Variants in SHANK2 observed in about 807,000 individuals in gnomAD.
The protein encoded by SHANK2 is SH3 and multiple ankyrin repeat domains 2.
SHANK2 carries 43 observed loss-of-function variants against 133.7 expected under a neutral mutation model. The ratio of observed to expected loss-of-function variants is 0.32; its 90% CI spans 0.25 to 0.41. The LOEUF is 0.41. Ranked by LOEUF, SHANK2 falls within the 10% of genes least tolerant of loss-of-function variation. The pLI is 1.00. For synonymous variants in SHANK2, 1,017 were observed against 952.8 expected (o/e 1.07, Z -1.24); for missense variants, 1,994 against 2,235.8 (o/e 0.89, Z 2.18).
intron 8 of SHANK2, among the ~76,000 whole-genome samples, chr11:71,086,507 A>G (rs1191519486): frequency 2.9e-5 from 4 of 140,244 alleles, no homozygotes; most frequent in South Asian, 2.1e-4. Flanking sequence ...TACATAATTT[A>G]TTATATATAA....
chr11:71,184,255 C>T (rs1953626942), intron 2 of SHANK2, among the ~76,000 whole-genome samples: 1 of 152,124 alleles, frequency 6.6e-6, no homozygotes, highest in Non-Finnish European at 1.5e-5. Flanking sequence ...TTGGGTGGGC[C>T]AGCTCTGACT....
intron 10 of SHANK2, among the ~76,000 whole-genome samples, chr11:70,933,487 G>A (rs1184606427): frequency 6.6e-6 from 1 of 152,232 alleles, no homozygotes; most frequent in Non-Finnish European, 1.5e-5. Flanking sequence ...AGGGCATGCT[G>A]AGAAATGATC....
At chr11:70,601,458 C>T (rs1194349960) in intron 17 of SHANK2, among the ~76,000 whole-genome samples, 1 of 152,002 alleles carries the variant, frequency 6.6e-6, no homozygotes, top group Non-Finnish European at 1.5e-5. Flanking sequence ...ACCTTGTGAT[C>T]CACCTGCCTC....
intron 17 of SHANK2, among the ~76,000 whole-genome samples, chr11:70,636,371 GAA>G: frequency 7.6e-6 from 1 of 132,108 alleles, no homozygotes; most frequent in Admixed American, 7.6e-5. Context: ...ATGTGTGTAT[GAA>G]TGTGAGTCTG....
At chr11:71,157,365 T>G (rs1343139148) in intron 2 of SHANK2, among the ~76,000 whole-genome samples, 2 of 152,244 alleles carry the variant, frequency 1.3e-5, no homozygotes, top group Non-Finnish European at 2.9e-5. Flanking sequence ...TGTGTTCTAT[T>G]AAGACATTGG....
At chr11:71,094,320 T>C (rs569938930) in intron 7 of SHANK2, among the ~76,000 whole-genome samples, 1 of 152,236 alleles carries the variant, frequency 6.6e-6, no homozygotes, top group South Asian at 2.1e-4. Flanking sequence ...TTGGGAACCA[T>C]TAATTCTGAA....
chr11:71,201,570 G>A (rs146693740), intron 2 of SHANK2, among the ~76,000 whole-genome samples: 28 of 152,314 alleles, frequency 1.8e-4, no homozygotes, highest in East Asian at 7.7e-4. Context: ...CCTATGAGCC[G>A]GTTCTCTTTC....
At chr11:71,105,380 G>A (rs1432252254) in intron 6 of SHANK2, among the ~76,000 whole-genome samples, 1 of 151,964 alleles carries the variant, frequency 6.6e-6, no homozygotes, top group Non-Finnish European at 1.5e-5. Flanking sequence ...ATCACTTGAG[G>A]TCAGGAGTTT....
intron 11 of SHANK2, among the ~76,000 whole-genome samples, chr11:70,854,208 A>T (rs539003693): frequency 6.6e-6 from 1 of 152,356 alleles, no homozygotes; most frequent in East Asian, 1.9e-4. Flanking sequence ...ATTCAGAGGC[A>T]AATAAATAAT....
At chr11:70,543,200 G>A (rs575856769) in intron 17 of SHANK2, among the ~76,000 whole-genome samples, 8 of 152,230 alleles carry the variant, frequency 5.3e-5, no homozygotes, top group Non-Finnish European at 1.0e-4. Context: ...CACAGTCTGC[G>A]TTGTGAAATG....
chr11:71,142,490 G>A (rs1952574687), intron 3 of SHANK2, among the ~76,000 whole-genome samples: 1 of 152,062 alleles, frequency 6.6e-6, no homozygotes. Context: ...AACAGAGCGA[G>A]ACTCTCTTTC....
intron 4 of SHANK2, among the ~76,000 whole-genome samples, chr11:71,116,341 T>C (rs1565460186): frequency 6.6e-6 from 1 of 152,232 alleles, no homozygotes; most frequent in African/African-American, 2.4e-5. Context: ...AATGATCCGT[T>C]TCTGGCTTCT....
At chr11:70,844,109 A>T (rs1555062509) in intron 11 of SHANK2, among the ~76,000 whole-genome samples, 1 of 152,084 alleles carries the variant, frequency 6.6e-6, no homozygotes, top group African/African-American at 2.4e-5. Flanking sequence ...CCATCCATCC[A>T]CACACACCCA....
intron 14 of SHANK2, among the ~76,000 whole-genome samples, chr11:70,762,294 G>A (rs1270228044): frequency 1.3e-5 from 2 of 152,132 alleles, no homozygotes; most frequent in Non-Finnish European, 2.9e-5. Context: ...CATGTCAATC[G>A]CAGACCTCCC....
chr11:70,742,229 C>T (rs1209881598), intron 14 of SHANK2, among the ~76,000 whole-genome samples: 1 of 152,156 alleles, frequency 6.6e-6, no homozygotes, highest in African/African-American at 2.4e-5. Flanking sequence ...AGCAAAGCCC[C>T]TTCCTCCTCC....
At chr11:70,511,541 C>T (rs1005022864) in intron 17 of SHANK2, among the ~76,000 whole-genome samples, 9 of 152,184 alleles carry the variant, frequency 5.9e-5, no homozygotes, top group African/African-American at 2.2e-4. Flanking sequence ...TGGAATGCTG[C>T]CACCAGGGGA....
intron 14 of SHANK2, among the ~76,000 whole-genome samples, chr11:70,733,482 C>T (rs1054146562): frequency 2.0e-5 from 3 of 152,310 alleles, no homozygotes; most frequent in South Asian, 4.1e-4. Context: ...CTATGGGTGA[C>T]TGAGCTGGGA....
At chr11:70,724,597 TC>T (rs1946140735) in intron 14 of SHANK2, among the ~76,000 whole-genome samples, 1 of 152,158 alleles carries the variant, frequency 6.6e-6, no homozygotes, top group Non-Finnish European at 1.5e-5. Flanking sequence ...TCAGACAGCA[TC>T]CAATTTAGAG....
chr11:71,119,055 C>A (rs1555100995), intron 3 of SHANK2, 23 bp from the exon 4 acceptor site: 1 of 1,549,252 alleles, frequency 6.5e-7, no homozygotes, highest in Admixed American at 2.0e-5. Context: ...ACAAAGACAG[C>A]TGATGAGTGA....
Sources: allele counts gnomAD v4.1 joint callset (sites outside exome capture counted in the v4.1 genomes callset), GRCh38; gene constraint gnomAD v4.1.1; transcripts MANE v1.5; gene names NCBI Gene and HGNC (gene_info 2026-07-23, HGNC 2026-07-21).